STXBP5L: variants seen among roughly 807,000 people sequenced by gnomAD.
STXBP5L encodes the protein syntaxin-binding protein 5-like.
STXBP5L carries 65 observed loss-of-function variants against 144.5 expected under a neutral mutation model. That is an observed-to-expected ratio of 0.45 (90% confidence interval 0.37 to 0.55). The LOEUF is 0.55. Ranked by LOEUF, STXBP5L falls within the 20% of genes least tolerant of loss-of-function variation. STXBP5L has a pLI of 0.00. For synonymous variants in STXBP5L, 505 were observed against 469.6 expected (o/e 1.08, Z -0.97); for missense variants, 1,298 against 1,405.5 (o/e 0.92, Z 1.22).
At chr3:121,349,101 A>G (rs1027295232) in intron 20 of STXBP5L, among the ~76,000 whole-genome samples, 1 of 152,224 alleles carries the variant, frequency 6.6e-6, no homozygotes, top group African/African-American at 2.4e-5. Flanking sequence ...ATTTAGTGCT[A>G]TACATTTCCC....
chr3:121,340,269 T>A (rs2044659569), intron 20 of STXBP5L, among the ~76,000 whole-genome samples: 1 of 152,040 alleles, frequency 6.6e-6, no homozygotes, highest in Non-Finnish European at 1.5e-5. Context: ...AACCAAATGA[T>A]CTTTGACAAA....
intron 3 of STXBP5L, 51 bp from the exon 4 acceptor site, chr3:121,041,649 T>C: frequency 7.5e-7 from 1 of 1,339,840 alleles, no homozygotes; most frequent in Non-Finnish European, 1.1e-6. Flanking sequence ...CTTTGCTCAT[T>C]AATATTGGTG....
chr3:121,187,592 A>G (rs2047446667), intron 9 of STXBP5L, among the ~76,000 whole-genome samples: 1 of 113,630 alleles, frequency 8.8e-6, no homozygotes, highest in South Asian at 3.8e-4. Context: ...AAAAAGAACC[A>G]TGAATGATAA....
At chr3:121,153,832 C>G (rs1353173195) in intron 8 of STXBP5L, among the ~76,000 whole-genome samples, 1 of 151,878 alleles carries the variant, frequency 6.6e-6, no homozygotes, top group Non-Finnish European at 1.5e-5. Flanking sequence ...AATTCTTCAG[C>G]ATCTTGAATC....
At chr3:121,041,468 A>G (rs1268089618) in intron 3 of STXBP5L, among the ~76,000 whole-genome samples, 1 of 152,096 alleles carries the variant, frequency 6.6e-6, no homozygotes, top group Non-Finnish European at 1.5e-5. Context: ...TCATGGAAAA[A>G]GCTGCCATCT....
At chr3:121,335,334 C>T (rs191563219) in intron 20 of STXBP5L, among the ~76,000 whole-genome samples, 229 of 152,196 alleles carry the variant, frequency 1.5e-3, no homozygotes, top group African/African-American at 5.2e-3. Context: ...AAAATATCCA[C>T]GTTCATGGAT....
chr3:121,176,060 A>G (rs1011433598), intron 9 of STXBP5L, among the ~76,000 whole-genome samples: 3 of 152,084 alleles, frequency 2.0e-5, no homozygotes, highest in African/African-American at 7.2e-5. Context: ...TTCAAAATAC[A>G]TGAGACAAAA....
chr3:121,120,979 G>A (rs1426015888), intron 6 of STXBP5L, among the ~76,000 whole-genome samples: 2 of 151,160 alleles, frequency 1.3e-5, no homozygotes, highest in African/African-American at 2.4e-5. Flanking sequence ...CCAGATATGA[G>A]AGTAGAATAA....
At chr3:121,092,646 G>T (rs950830322) in intron 5 of STXBP5L, among the ~76,000 whole-genome samples, 2 of 152,204 alleles carry the variant, frequency 1.3e-5, no homozygotes, top group East Asian at 1.9e-4. Context: ...TGCTGAAGTT[G>T]CTTATCAGCT....
At chr3:121,233,491 G>A (rs1467168023) in intron 11 of STXBP5L, 125 bp from the exon 12 acceptor site, 2 of 554,170 alleles carry the variant, frequency 3.6e-6, no homozygotes, top group Non-Finnish European at 5.9e-6. Context: ...TTCTTACTTT[G>A]GCTTATAGTT....
At position 121,115,049 on chromosome 3, in the gene STXBP5L, G is replaced by C; in HGVS notation, c.595G>C (p.Ala199Pro). Residue 199 changes from alanine to proline, a missense_variant, in exon 6 of 27, where the codon GCA becomes CCA. By Grantham distance (27) the Ala-to-Pro change is conservative. Coordinates refer to ENST00000471454, the MANE Select transcript of STXBP5L (RefSeq NM_001308330.2). The stretch of plus-strand genomic sequence containing the variant: ...TGGATATGTTATCATGTGGAACAAG[G>C]CAATTGAACTGTAAGTTTGAACTTG... ...LSGYVIMWNK[A>P]IELSTKTHPG... 6.2e-7 allele frequency: 1 copy of C among 1,600,166 alleles called. No individual in the cohort carries two copies. The highest frequency in any genetic ancestry group is 8.5e-7 in the Non-Finnish European group (1 of 1,175,556).
chr3:121,364,746 A>T (rs1274693909), intron 20 of STXBP5L, among the ~76,000 whole-genome samples: 1 of 151,518 alleles, frequency 6.6e-6, no homozygotes, highest in African/African-American at 2.4e-5. Context: ...TCCTTTGCCG[A>T]TTGTTTATAT....
chr3:120,911,018 A>G (rs1395986055), intron 2 of STXBP5L, among the ~76,000 whole-genome samples: 1 of 152,128 alleles, frequency 6.6e-6, no homozygotes, highest in Non-Finnish European at 1.5e-5. Context: ...TTGAACTGCT[A>G]GGCAGGGGAA....
chr3:121,407,904 A>G lies in STXBP5L; in HGVS notation c.2948+301A>G, dbSNP rs549248297. ...ATCATTCAACAAATATTTATTGAGC[A>G]TATCTCCCAGATGCTACACTAAGCA... is the stretch of plus-strand genomic sequence containing the variant. On this transcript the variant is annotated intron_variant, in intron 23 of 26. Coordinates refer to ENST00000471454, the MANE Select transcript of STXBP5L (RefSeq NM_001308330.2). 2.6e-5 allele frequency among the ~76,000 whole-genome samples: 4 copies of G among 152,134 alleles called. No homozygotes were observed. In the South Asian group the frequency reaches 8.3e-4, roughly 32 times the overall value.
At chr3:121,057,402 C>G (rs1291606907) in intron 5 of STXBP5L, among the ~76,000 whole-genome samples, 4 of 151,716 alleles carry the variant, frequency 2.6e-5, no homozygotes, top group Admixed American at 2.6e-4. Context: ...AAGTGTACAC[C>G]TTGAAATAAC....
At chr3:121,102,415 A>T (rs1352621650) in intron 5 of STXBP5L, among the ~76,000 whole-genome samples, 1 of 152,152 alleles carries the variant, frequency 6.6e-6, no homozygotes, top group South Asian at 2.1e-4. Flanking sequence ...CCACACACCT[A>T]CAGCCATCTG....
intron 14 of STXBP5L, among the ~76,000 whole-genome samples, chr3:121,243,388 G>A (rs1277326305): frequency 6.6e-6 from 1 of 152,104 alleles, no homozygotes; most frequent in Admixed American, 6.6e-5. Flanking sequence ...CCCATAAAAG[G>A]TTTGAGAGGC....
At chr3:121,310,473 G>A (rs9289167) in intron 19 of STXBP5L, among the ~76,000 whole-genome samples, 15,096 of 152,194 alleles carry the variant, frequency 0.099, 1,181 homozygotes, top group Admixed American at 0.2. Flanking sequence ...AGCCAGGCAT[G>A]GTGGCGGACA....
chr3:120,942,567 AATAAG>A (rs1333576492), intron 2 of STXBP5L, among the ~76,000 whole-genome samples: 1 of 151,586 alleles, frequency 6.6e-6, no homozygotes, highest in Admixed American at 6.6e-5. Flanking sequence ...TAGAAATATA[AATAAG>A]AATTTCCTCC....
Sources: gnomAD v4.1 joint callset for allele counts (sites outside exome capture counted in the v4.1 genomes callset) on GRCh38, gnomAD v4.1.1 for gene constraint, MANE v1.5 for transcripts, NCBI Gene and HGNC (gene_info 2026-07-23, HGNC 2026-07-21) for gene names.